The following ADCY9 variants were observed in gnomAD, a reference collection of about 807,000 sequenced individuals.
ADCY9 encodes the protein adenylate cyclase 9, also known as adenylate cyclase type 9.
Under a neutral mutation model 101.5 loss-of-function variants are expected in ADCY9, and 50 were observed. The ratio of observed to expected loss-of-function variants is 0.49; its 90% confidence interval spans 0.39 to 0.62. The LOEUF is 0.62. Among genes scored for constraint, ADCY9 ranks in the 20% least tolerant of loss-of-function variants. The pLI is 0.00. For synonymous variants in ADCY9, 905 were observed against 769.3 expected, an observed-to-expected ratio of 1.18 and a Z score of -2.92; for missense variants, 1,662 against 1,800.4, an observed-to-expected ratio of 0.92 and a Z score of 1.39.
At chr16:3,971,785 T>G (rs893697015) in intron 10 of ADCY9, among the ~76,000 whole-genome samples, 1 of 152,056 alleles carries the variant, frequency 6.6e-6, no homozygotes, top group African/African-American at 2.4e-5. Flanking sequence ...ATCCCCATTA[T>G]GTGCAGGGGG....
chr16:3,997,342 C>G (rs370630827), intron 3 of ADCY9, among the ~76,000 whole-genome samples: 10 of 152,352 alleles, frequency 6.6e-5, no homozygotes, highest in East Asian at 1.9e-4. Context: ...ACAAGGGCTT[C>G]CCTCAGAGGG....
chr16:4,007,249 AT>A, intron 3 of ADCY9, 118 bp downstream of exon 3: 1 of 821,566 alleles, frequency 1.2e-6, no homozygotes, highest in South Asian at 2.6e-5. Flanking sequence ...TGAAAACCAA[AT>A]CGAAGGTCAT....
chr16:4,102,049 C>G (rs1032350948), intron 2 of ADCY9, among the ~76,000 whole-genome samples: 1 of 152,156 alleles, frequency 6.6e-6, no homozygotes, highest in African/African-American at 2.4e-5. Flanking sequence ...GGTTTCGGTA[C>G]TGAACGACAC....
intron 2 of ADCY9, among the ~76,000 whole-genome samples, chr16:4,039,317 G>C (rs2056611316): frequency 1.3e-5 from 2 of 152,172 alleles, no homozygotes; most frequent in South Asian, 4.1e-4. Context: ...TGCCATTTTA[G>C]GTGTTCTGCT....
chr16:4,071,055 C>T (rs1022595103), intron 2 of ADCY9, among the ~76,000 whole-genome samples: 3 of 150,438 alleles, frequency 2.0e-5, no homozygotes, highest in African/African-American at 7.3e-5. Flanking sequence ...AGTAGCCAGG[C>T]GTGGTGGCTC....
At chr16:3,990,124 A>C (rs2141699917) in intron 5 of ADCY9, among the ~76,000 whole-genome samples, 1 of 152,316 alleles carries the variant, frequency 6.6e-6, no homozygotes, top group Non-Finnish European at 1.5e-5. Flanking sequence ...TCAGAAAGCA[A>C]ATATAGCTGT....
At chr16:4,056,139 T>A (rs575354401) in intron 2 of ADCY9, among the ~76,000 whole-genome samples, 1 of 152,222 alleles carries the variant, frequency 6.6e-6, no homozygotes, top group Non-Finnish European at 1.5e-5. Context: ...TTCTGTGACA[T>A]CAGGATTCTT....
chr16:4,016,096 C>A (rs1361704088), intron 2 of ADCY9, among the ~76,000 whole-genome samples: 3 of 152,134 alleles, frequency 2.0e-5, no homozygotes, highest in Admixed American at 1.3e-4. Context: ...AAAGACGGTG[C>A]TTGTCCTGAG....
intron 2 of ADCY9, among the ~76,000 whole-genome samples, chr16:4,034,934 C>G (rs2056579725): frequency 6.6e-6 from 1 of 152,200 alleles, no homozygotes; most frequent in African/African-American, 2.4e-5. Context: ...TACCAGGTAC[C>G]AGGAAATGTG....
At chr16:4,055,905 AT>A (rs965642519) in intron 2 of ADCY9, among the ~76,000 whole-genome samples, 8 of 152,110 alleles carry the variant, frequency 5.3e-5, no homozygotes, top group African/African-American at 1.9e-4. Context: ...AGTATGAGGA[AT>A]TCCTTATCAA....
chr16:4,020,547 C>A (rs893032663), intron 2 of ADCY9, among the ~76,000 whole-genome samples: 1 of 152,088 alleles, frequency 6.6e-6, no homozygotes, highest in African/African-American at 2.4e-5. Flanking sequence ...ATAAGCCAGG[C>A]GTGGTGGCTC....
chr16:4,084,987 C>G (rs2056928378), intron 2 of ADCY9, among the ~76,000 whole-genome samples: 1 of 152,164 alleles, frequency 6.6e-6, no homozygotes, highest in African/African-American at 2.4e-5. Context: ...AGACGCCTGT[C>G]TCTCCATTTA....
rs1567434828 is a variant in ADCY9, at chr16:4,007,455, C to T, written c.1797G>A (p.Val599=). 1.9e-6 allele frequency: 3 copies of T among 1,614,120 alleles called. 1 individual carries two copies. The highest frequency in any genetic ancestry group is 2.2e-5 in the South Asian group (2 of 91,076). Residue 599 remains valine, a synonymous_variant, in exon 3 of 11, where the codon GTG becomes GTA. Coordinates refer to ENST00000294016, the MANE Select transcript of ADCY9 (RefSeq NM_001116.4). ...TCCCCTGTCCCCTAGGGCCTGAGGA[C>T]ACCTGTGAGCCGTCAATGACCTCAA... ...SGFEVIDGSQ[V]SSGPRGQGTA...
intron 3 of ADCY9, among the ~76,000 whole-genome samples, chr16:3,996,222 C>A (rs955326272): frequency 6.6e-6 from 1 of 152,050 alleles, no homozygotes; most frequent in African/African-American, 2.4e-5. Flanking sequence ...ATTAGCTGAC[C>A]TTGATGGCAC....
At chr16:4,069,797 T>G (rs1567136301) in intron 2 of ADCY9, among the ~76,000 whole-genome samples, 5 of 152,084 alleles carry the variant, frequency 3.3e-5, no homozygotes, top group African/African-American at 1.2e-4. Flanking sequence ...TTCTCTGCCT[T>G]AAAAAGTATA....
chr16:4,112,889 T>G (rs1379564316), intron 2 of ADCY9, among the ~76,000 whole-genome samples: 1 of 152,146 alleles, frequency 6.6e-6, no homozygotes, highest in African/African-American at 2.4e-5. Context: ...AATATCATTT[T>G]CCAGATCTCA....
intron 2 of ADCY9, among the ~76,000 whole-genome samples, chr16:4,066,308 C>A (rs914364798): frequency 1.3e-5 from 2 of 152,138 alleles, no homozygotes; most frequent in African/African-American, 4.8e-5. Flanking sequence ...TTTTGATATG[C>A]CACTTCAAAG....
intron 2 of ADCY9, among the ~76,000 whole-genome samples, chr16:4,037,162 A>C (rs2056595729): frequency 1.3e-5 from 2 of 151,918 alleles, no homozygotes; most frequent in Non-Finnish European, 2.9e-5. Flanking sequence ...ACAAAAAATA[A>C]ACAAAATTAG....
chr16:4,005,273 A>C (rs890219899), intron 3 of ADCY9, among the ~76,000 whole-genome samples: 1 of 152,178 alleles, frequency 6.6e-6, no homozygotes, highest in African/African-American at 2.4e-5. Context: ...CTGTGGCCTA[A>C]GCTGGAGTGC....
Sources: gnomAD v4.1 joint callset for allele counts (sites outside exome capture counted in the v4.1 genomes callset) on GRCh38, gnomAD v4.1.1 for gene constraint, MANE v1.5 for transcripts, NCBI Gene and HGNC (gene_info 2026-07-23, HGNC 2026-07-21) for gene names.